The following TLK2 variants were observed in gnomAD, a reference collection of about 807,000 sequenced individuals.
TLK2 encodes serine/threonine-protein kinase tousled-like 2.
Under a neutral mutation model 117.3 loss-of-function variants are expected in TLK2, and 6 were observed. That is an observed-to-expected ratio of 0.05 (90% CI 0.03 to 0.10). The LOEUF is 0.10. TLK2 is among the 10% of genes least tolerant of loss of function. TLK2 has a pLI of 1.00. For synonymous variants in TLK2, 257 were observed against 316.7 expected (o/e 0.81, Z 2.00); for missense variants, 299 against 901.2 (o/e 0.33, Z 8.56).
In TLK2 at chr17:62,522,680, T is replaced by C. The variant is rs568831695; in HGVS notation, c.223+407T>C. Among the ~76,000 whole-genome samples the C allele has an allele frequency of 1.9e-4, 29 of 152,336 alleles. No individual in the cohort carries two copies. In the South Asian group the frequency reaches 5.6e-3, roughly 29 times the overall value. On this transcript the variant is annotated intron_variant, in intron 4 of 21. Transcript: ENST00000346027. ...CTACTGTTCTTCCGTGGCAGTTGTT[T>C]AGTTGAATATTGGAACCCATTGGGA...
intron 2 of TLK2, among the ~76,000 whole-genome samples, chr17:62,491,961 C>T (rs1483426807): frequency 6.6e-6 from 1 of 152,172 alleles, no homozygotes; most frequent in Non-Finnish European, 1.5e-5. Flanking sequence ...AATAATATAA[C>T]TTTGATACTA....
upstream of TLK2, among the ~76,000 whole-genome samples, chr17:62,478,635 C>T (rs1279899470): frequency 1.3e-5 from 2 of 150,898 alleles, no homozygotes; most frequent in South Asian, 2.1e-4. Context: ...AACCCCTGCC[C>T]GGCAGCGCGG....
chr17:62,576,343 C>T (rs1393379458), intron 12 of TLK2, among the ~76,000 whole-genome samples: 1 of 152,156 alleles, frequency 6.6e-6, no homozygotes, highest in African/African-American at 2.4e-5. Context: ...TAATCAAATC[C>T]ATTGGCTTAT....
At chr17:62,607,958 C>G in intron 20 of TLK2, 83 bp from the exon 21 acceptor site, 1 of 1,156,466 alleles carries the variant, frequency 8.6e-7, no homozygotes, top group East Asian at 2.4e-5. Context: ...ATGTCTTATC[C>G]TTTTCCTTCC....
chr17:62,536,671 T>C (rs1344484966), intron 7 of TLK2, among the ~76,000 whole-genome samples: 2 of 151,986 alleles, frequency 1.3e-5, no homozygotes, highest in Non-Finnish European at 2.9e-5. Flanking sequence ...TAATTAAAAA[T>C]AGAGTCTCCG....
At chr17:62,543,137 T>C (rs922901474) in intron 7 of TLK2, among the ~76,000 whole-genome samples, 1 of 152,202 alleles carries the variant, frequency 6.6e-6, no homozygotes, top group African/African-American at 2.4e-5. Context: ...GTTTGATAGC[T>C]GTGACAAATA....
intron 19 of TLK2, among the ~76,000 whole-genome samples, chr17:62,605,590 C>G (rs989733488): frequency 5.3e-5 from 8 of 152,052 alleles, no homozygotes; most frequent in African/African-American, 1.4e-4. Flanking sequence ...CCAGGCTGGT[C>G]TCAAATTCTT....
chr17:62,607,519 A>C (rs1163722330), intron 20 of TLK2, among the ~76,000 whole-genome samples: 1 of 150,782 alleles, frequency 6.6e-6, no homozygotes, highest in Non-Finnish European at 1.5e-5. Context: ...ACAGAGCGAG[A>C]CTCCATCTCA....
intron 12 of TLK2, chr17:62,574,263 C>A: frequency 1.3e-6 from 2 of 1,519,926 alleles, no homozygotes; most frequent in Admixed American, 4.1e-5. Flanking sequence ...CAATCCTCAC[C>A]CCATACATAT....
At chr17:62,545,112 C>T (rs1255182111) in intron 7 of TLK2, among the ~76,000 whole-genome samples, 2 of 151,976 alleles carry the variant, frequency 1.3e-5, no homozygotes, top group African/African-American at 2.4e-5. Flanking sequence ...CTGCAACCTC[C>T]GCCTCCCGGG....
intron 18 of TLK2, 141 bp downstream of exon 18, chr17:62,600,961 G>A (rs1229181011): frequency 1.2e-6 from 1 of 802,248 alleles, no homozygotes; most frequent in Non-Finnish European, 1.9e-6. Context: ...GGTAGGTGTG[G>A]GAAAAAAGAG....
At chr17:62,472,719 C>T (rs1030792724) in intron 1 of TLK2, among the ~76,000 whole-genome samples, 10 of 145,916 alleles carry the variant, frequency 6.9e-5, no homozygotes, top group African/African-American at 2.3e-4. Flanking sequence ...GCCTAGGCGA[C>T]GGAGCAAGAC....
chr17:62,572,344 A>G (rs754311695), intron 11 of TLK2, among the ~76,000 whole-genome samples: 4 of 152,044 alleles, frequency 2.6e-5, no homozygotes, highest in Non-Finnish European at 5.9e-5. Flanking sequence ...TTAATCTCCA[A>G]TTTTGTATGT....
At chr17:62,513,139 CA>C (rs988118091) in intron 2 of TLK2, among the ~76,000 whole-genome samples, 1 of 151,674 alleles carries the variant, frequency 6.6e-6, no homozygotes, top group African/African-American at 2.4e-5. Flanking sequence ...GTCGGCCTCC[CA>C]AAGTGCTGGG....
At chr17:62,503,665 C>T (rs376248051) in intron 2 of TLK2, among the ~76,000 whole-genome samples, 7 of 151,558 alleles carry the variant, frequency 4.6e-5, no homozygotes, top group Admixed American at 1.3e-4. Flanking sequence ...GTGATCCTCC[C>T]GCCCCAGTCT....
chr17:62,609,493 A>T (rs1302282031), intron 21 of TLK2, among the ~76,000 whole-genome samples: 1 of 152,210 alleles, frequency 6.6e-6, no homozygotes, highest in Non-Finnish European at 1.5e-5. Flanking sequence ...TTTAGCTGCC[A>T]TGTCACAGGG....
intron 1 of TLK2, among the ~76,000 whole-genome samples, chr17:62,473,195 C>CACTG (rs1485183247): frequency 6.6e-6 from 1 of 152,146 alleles, no homozygotes; most frequent in Non-Finnish European, 1.5e-5. Flanking sequence ...GAAAACTGCT[C>CACTG]ACTGCAGAGA....
In TLK2 at chr17:62,614,843, T is replaced by C. The variant is rs1318536905; in HGVS notation, c.*2278T>C. On this transcript the variant is annotated 3_prime_UTR_variant, in exon 22 of 22. Transcript: ENST00000346027. ...GTCGAGCACAGTGCTGAGAGGATGG[T>C]GTCTGCATAATGAAGACATGGATGA... is the stretch of plus-strand genomic sequence containing the variant. 1.3e-5 allele frequency: 2 copies of C among 152,246 alleles called. No homozygotes were observed. Among genetic ancestry groups the C allele is most frequent in the Non-Finnish European group, 2.9e-5 (2 of 68,048 alleles). 9.4% of individuals were successfully genotyped at this position (152,246 alleles called of 1,614,324 possible).
intron 6 of TLK2, among the ~76,000 whole-genome samples, chr17:62,530,891 C>CT (rs938934763): frequency 4.0e-5 from 6 of 151,482 alleles, no homozygotes; most frequent in African/African-American, 1.2e-4. Flanking sequence ...GGTTCGCTTT[C>CT]TTTTTTTTTC....
Sources: allele counts gnomAD v4.1 joint callset (sites outside exome capture counted in the v4.1 genomes callset), GRCh38; gene constraint gnomAD v4.1.1; transcripts MANE v1.5; gene names NCBI Gene and HGNC (gene_info 2026-07-23, HGNC 2026-07-21).